Variants in GALNT13 observed in about 807,000 individuals in gnomAD.
GALNT13 encodes polypeptide N-acetylgalactosaminyltransferase 13, also known as UDP-GalNAc:polypeptide N-acetylgalactosaminyltransferase 13.
A neutral mutation model predicts 64.2 loss-of-function variants in GALNT13; 28 were observed. The ratio of observed to expected loss-of-function variants is 0.44; its 90% CI spans 0.32 to 0.60. GALNT13 has a LOEUF of 0.60. GALNT13 is among the 20% of genes least tolerant of loss of function. The probability of loss-of-function intolerance (pLI) is 0.05; values close to 1 mark genes in which losing one functional copy is unlikely to be tolerated. For missense variants in GALNT13, 577 were observed against 669.8 expected, an observed-to-expected ratio of 0.86 and a Z score of 1.53; for synonymous variants, 214 against 224.6, an observed-to-expected ratio of 0.95 and a Z score of 0.42.
intron 4 of GALNT13, among the ~76,000 whole-genome samples, chr2:154,160,218 G>A (rs891060306): frequency 2.0e-5 from 3 of 151,996 alleles, no homozygotes; most frequent in African/African-American, 7.3e-5. Context: ...TCTCCAATGC[G>A]GCATGCATTT....
At chr2:153,157,618 A>G in the GALNT13 span, among the ~76,000 whole-genome samples, 1 of 152,266 alleles carries the variant, frequency 6.6e-6, no homozygotes, top group Admixed American at 6.5e-5. Context: ...CCAATCCTGG[A>G]TTGTGATTAA....
At chr2:154,231,555 CTTTTA>C (rs1688916690) in intron 4 of GALNT13, among the ~76,000 whole-genome samples, 2 of 151,902 alleles carry the variant, frequency 1.3e-5, no homozygotes, top group African/African-American at 2.4e-5. Context: ...TCAATTAGCA[CTTTTA>C]TTTTAAAGAA....
At chr2:154,108,180 C>A (rs553233387) in intron 3 of GALNT13, among the ~76,000 whole-genome samples, 14 of 149,338 alleles carry the variant, frequency 9.4e-5, no homozygotes, top group African/African-American at 3.4e-4. Flanking sequence ...TTTGAGGAAT[C>A]TCTGTAAAGT....
chr2:153,420,066 A>T, the GALNT13 span, among the ~76,000 whole-genome samples: 1 of 152,204 alleles, frequency 6.6e-6, no homozygotes, highest in African/African-American at 2.4e-5. Context: ...AATGTTTAAG[A>T]AATATATTTT....
chr2:153,626,197 A>G, the GALNT13 span, among the ~76,000 whole-genome samples: 2 of 152,160 alleles, frequency 1.3e-5, no homozygotes. Flanking sequence ...TCAATGAAGA[A>G]ATATAAATTT....
chr2:153,173,828 C>T, the GALNT13 span, among the ~76,000 whole-genome samples: 6 of 152,052 alleles, frequency 3.9e-5, no homozygotes, highest in East Asian at 1.9e-4. Context: ...ATGGGTGAGA[C>T]GCAATATTAT....
the GALNT13 span, among the ~76,000 whole-genome samples, chr2:153,422,888 CAA>C: frequency 6.6e-6 from 1 of 151,396 alleles, no homozygotes; most frequent in Non-Finnish European, 1.5e-5. Flanking sequence ...ATGACTGAAA[CAA>C]GAAAAAAACA....
At chr2:154,402,012 A>G (rs1289790936) in intron 10 of GALNT13, among the ~76,000 whole-genome samples, 1 of 152,196 alleles carries the variant, frequency 6.6e-6, no homozygotes, top group Non-Finnish European at 1.5e-5. Context: ...TTATGGAAAT[A>G]TTAACATTAA....
chr2:154,233,968 C>T (rs756255568), intron 4 of GALNT13, among the ~76,000 whole-genome samples: 2 of 151,992 alleles, frequency 1.3e-5, no homozygotes, highest in Non-Finnish European at 2.9e-5. Context: ...GGAAGATCTA[C>T]CAGCAGGCCA....
chr2:153,431,460 C>T, the GALNT13 span, among the ~76,000 whole-genome samples: 1 of 152,126 alleles, frequency 6.6e-6, no homozygotes, highest in Non-Finnish European at 1.5e-5. Flanking sequence ...CAGAACCTCA[C>T]CTAGGTATAC....
At chr2:153,778,129 C>T in the GALNT13 span, among the ~76,000 whole-genome samples, 6 of 152,142 alleles carry the variant, frequency 3.9e-5, no homozygotes, top group Admixed American at 3.9e-4. Context: ...TGCTCCTATG[C>T]CGGTGTGCTC....
chr2:153,598,711 CT>C, the GALNT13 span, among the ~76,000 whole-genome samples: 3 of 151,982 alleles, frequency 2.0e-5, no homozygotes, highest in Non-Finnish European at 4.4e-5. Context: ...AAAAGACAAA[CT>C]ATACAATAAT....
At chr2:154,363,009 T>A (rs1466771715) in intron 9 of GALNT13, among the ~76,000 whole-genome samples, 1 of 107,110 alleles carries the variant, frequency 9.3e-6, no homozygotes, top group Non-Finnish European at 2.1e-5. Context: ...TTGTACACTG[T>A]TTTGCTTTCT....
the GALNT13 span, among the ~76,000 whole-genome samples, chr2:153,814,784 G>C: frequency 6.6e-6 from 1 of 152,062 alleles, no homozygotes; most frequent in Admixed American, 6.6e-5. Flanking sequence ...CTTATAAACC[G>C]TAATCCTGAT....
At chr2:153,675,549 TG>T in the GALNT13 span, among the ~76,000 whole-genome samples, 35 of 151,446 alleles carry the variant, frequency 2.3e-4, no homozygotes, top group African/African-American at 8.2e-4. Context: ...TGTTGGCAGG[TG>T]GGGGGCTGGG....
At chr2:153,630,396 G>A in the GALNT13 span, among the ~76,000 whole-genome samples, 986 of 149,292 alleles carry the variant, frequency 6.6e-3, 16 homozygotes, top group African/African-American at 0.023. Context: ...ACTTTCGCAA[G>A]GACAAAAAAA....
chr2:153,958,639 G>A (rs1266008734), intron 3 of GALNT13, among the ~76,000 whole-genome samples: 3 of 152,154 alleles, frequency 2.0e-5, no homozygotes, highest in Non-Finnish European at 4.4e-5. Flanking sequence ...GAGGGTTTTG[G>A]TTAGCCTAAG....
At chr2:153,720,525 G>C in the GALNT13 span, among the ~76,000 whole-genome samples, 54 of 150,608 alleles carry the variant, frequency 3.6e-4, no homozygotes, top group African/African-American at 1.3e-3. Flanking sequence ...GCTACGGGAG[G>C]ACATTCAAAC....
chr2:154,321,734 G>A lies in GALNT13; in HGVS notation c.1156+20145G>A, dbSNP rs894415871. On this transcript the variant is annotated intron_variant, in intron 9 of 12. Coordinates refer to ENST00000392825, the MANE Select transcript of GALNT13 (RefSeq NM_052917.4). ...TGTAAATAATATATTAAAAATATCT[G>A]GAGAAAATAAGGAAGCACTGGCTAA... Among the ~76,000 whole-genome samples, 3 of 152,096 alleles carry A rather than the reference G, an allele frequency of 2.0e-5. No individual in the cohort carries two copies. The South Asian group carries it at 6.2e-4, about 32-fold the overall frequency.
Sources: gnomAD v4.1 joint callset for allele counts (sites outside exome capture counted in the v4.1 genomes callset) on GRCh38, gnomAD v4.1.1 for gene constraint, MANE v1.5 for transcripts, NCBI Gene and HGNC (gene_info 2026-07-23, HGNC 2026-07-21) for gene names.